Variants in PDZRN4 observed in about 807,000 individuals in gnomAD.
PDZRN4 encodes the protein PDZ domain containing ring finger 4, also known as PDZ domain-containing RING finger protein 4.
Under a neutral mutation model 99.0 loss-of-function variants are expected in PDZRN4, and 70 were observed. That is an observed-to-expected ratio of 0.71 (90% CI 0.58 to 0.86). PDZRN4 has a LOEUF of 0.86. PDZRN4 is among the 40% of genes least tolerant of loss of function. The probability of loss-of-function intolerance (pLI) is 0.00; values close to 1 mark genes in which losing one functional copy is unlikely to be tolerated. For missense variants in PDZRN4, 1,474 were observed against 1,331.2 expected, an observed-to-expected ratio of 1.11 and a Z score of -1.67; for synonymous variants, 551 against 501.6, an observed-to-expected ratio of 1.10 and a Z score of -1.32.
At chr12:41,360,842 C>T (rs1451750231) in intron 3 of PDZRN4, among the ~76,000 whole-genome samples, 1 of 151,876 alleles carries the variant, frequency 6.6e-6, no homozygotes, top group Non-Finnish European at 1.5e-5. Flanking sequence ...AATTATCTGC[C>T]TTCTGTTGCA....
rs886715236 is a variant in PDZRN4 at position 41,188,848 on chromosome 12, G to T, written c.393G>T (p.Gly131=). 8.7e-6 allele frequency: 11 copies of T among 1,262,604 alleles called. No individual in the cohort carries two copies. Among genetic ancestry groups the T allele is most frequent in the Non-Finnish European group, 9.9e-6 (10 of 1,005,094 alleles). 78.2% of individuals were successfully genotyped at this position (1,262,604 alleles called of 1,614,324 possible). Residue 131 remains glycine, a synonymous_variant, in exon 1 of 10, where the codon GGG becomes GGT. Coordinates refer to ENST00000402685, the MANE Select transcript of PDZRN4 (RefSeq NM_001164595.2). The part of the protein sequence containing the change: ...GLGGGEVPAR[G]GCGPTPRAGR... ...GCGGTGGTGAGGTGCCCGCGCGGGG[G>T]GGCTGCGGTCCGACACCCAGGGCTG...
At chr12:41,538,838 A>G (rs1181310957) in intron 5 of PDZRN4, among the ~76,000 whole-genome samples, 1 of 152,076 alleles carries the variant, frequency 6.6e-6, no homozygotes, top group East Asian at 1.9e-4. Context: ...TGCACCAGTC[A>G]CTGGAAGAAT....
chr12:41,211,079 C>T (rs932553559), intron 3 of PDZRN4, among the ~76,000 whole-genome samples: 22 of 152,052 alleles, frequency 1.4e-4, no homozygotes, highest in African/African-American at 4.3e-4. Flanking sequence ...AATCACAAGA[C>T]AGTGTTTCAC....
At chr12:41,425,496 G>T (rs755364939) in intron 3 of PDZRN4, among the ~76,000 whole-genome samples, 5 of 151,984 alleles carry the variant, frequency 3.3e-5, no homozygotes, top group Non-Finnish European at 5.9e-5. Context: ...GCCAGATGGT[G>T]TTCCTGTACA....
At chr12:41,302,109 T>G (rs1308996017) in intron 3 of PDZRN4, among the ~76,000 whole-genome samples, 1 of 152,058 alleles carries the variant, frequency 6.6e-6, no homozygotes. Context: ...ATTATATATG[T>G]GCATATGCAT....
At chr12:41,354,206 T>C (rs957656668) in intron 3 of PDZRN4, among the ~76,000 whole-genome samples, 18 of 152,052 alleles carry the variant, frequency 1.2e-4, no homozygotes, top group African/African-American at 4.3e-4. Flanking sequence ...AGTAATAAGG[T>C]AGGTGTCAGG....
chr12:41,461,508 T>TTG (rs922810339), intron 3 of PDZRN4, among the ~76,000 whole-genome samples: 1 of 152,190 alleles, frequency 6.6e-6, no homozygotes, highest in African/African-American at 2.4e-5. Flanking sequence ...GTTGCTTTCC[T>TTG]AGAGAGAGTA....
Position 41,572,763 on chromosome 12 carries a change from G to T in PDZRN4, c.1984G>T (p.Val662Leu). ...IECNQGEQEG[V>L]EHELQLLNEE... ...ATGCAATCAAGGGGAGCAAGAGGGA[G>T]TGGAGCATGAGCTACAGTTGCTTAA... Residue 662 changes from valine (V) to leucine (L), a missense_variant, in exon 10 of 10, where the codon GTG becomes TTG. Transcript: ENST00000402685. 1 of 1,614,176 alleles carries T rather than the reference G, an allele frequency of 6.2e-7. No individual in the cohort carries two copies. The highest frequency in any genetic ancestry group is 8.5e-7 in the Non-Finnish European group (1 of 1,180,012).
At chr12:41,567,702 G>C (rs1939399880) in intron 8 of PDZRN4, 81 bp from the exon 9 acceptor site, 1 of 728,494 alleles carries the variant, frequency 1.4e-6, no homozygotes, top group Admixed American at 2.6e-5. Flanking sequence ...GAACTCGTCG[G>C]GCACCGGCCA....
At chr12:41,497,980 C>CT (rs142589196) in intron 3 of PDZRN4, among the ~76,000 whole-genome samples, 4 of 151,634 alleles carry the variant, frequency 2.6e-5, no homozygotes, top group African/African-American at 4.8e-5. Flanking sequence ...TATTATGAAA[C>CT]TTTTTTTTCA....
chr12:41,268,381 G>T (rs1200654218), intron 3 of PDZRN4, among the ~76,000 whole-genome samples: 1 of 152,158 alleles, frequency 6.6e-6, no homozygotes, highest in African/African-American at 2.4e-5. Context: ...TTTTACTTGT[G>T]TCTGGATTTA....
chr12:41,390,389 A>T (rs1952201810), intron 3 of PDZRN4, among the ~76,000 whole-genome samples: 1 of 151,858 alleles, frequency 6.6e-6, no homozygotes, highest in East Asian at 1.9e-4. Flanking sequence ...TGGGCTGCTC[A>T]TTTGTCATTG....
intron 3 of PDZRN4, chr12:41,459,809 C>A: frequency 2.2e-6 from 1 of 462,856 alleles, no homozygotes; most frequent in Non-Finnish European, 3.4e-6. Flanking sequence ...TTGAAGACAG[C>A]ATAGCCCTGC....
intron 3 of PDZRN4, among the ~76,000 whole-genome samples, chr12:41,351,335 A>G (rs1565559452): frequency 1.3e-5 from 2 of 152,114 alleles, no homozygotes; most frequent in Non-Finnish European, 2.9e-5. Context: ...TTCTGTAAAG[A>G]GTTTGAAAGT....
At chr12:41,300,409 A>G (rs1297743919) in intron 3 of PDZRN4, among the ~76,000 whole-genome samples, 1 of 152,040 alleles carries the variant, frequency 6.6e-6, no homozygotes, top group African/African-American at 2.4e-5. Flanking sequence ...ATTAAATAAC[A>G]GAACTAAAAT....
At chr12:41,446,909 T>C (rs1952734018) in intron 3 of PDZRN4, among the ~76,000 whole-genome samples, 1 of 151,090 alleles carries the variant, frequency 6.6e-6, no homozygotes, top group Non-Finnish European at 1.5e-5. Context: ...TCAAAGGTAA[T>C]GTGTTTGATG....
intron 3 of PDZRN4, among the ~76,000 whole-genome samples, chr12:41,405,922 G>T (rs1352662843): frequency 6.8e-6 from 1 of 147,410 alleles, no homozygotes; most frequent in Non-Finnish European, 1.5e-5. Context: ...ATAAATGTTG[G>T]AACAATAGAC....
intron 3 of PDZRN4, among the ~76,000 whole-genome samples, chr12:41,252,933 T>G (rs1245816236): frequency 2.0e-5 from 3 of 152,182 alleles, no homozygotes; most frequent in African/African-American, 7.2e-5. Context: ...AATGGGTATA[T>G]TTTATTGTAT....
intron 3 of PDZRN4, among the ~76,000 whole-genome samples, chr12:41,499,096 T>C (rs1938064882): frequency 6.6e-6 from 1 of 152,072 alleles, no homozygotes; most frequent in Non-Finnish European, 1.5e-5. Flanking sequence ...TCTTACTACC[T>C]GTAGACCTGG....
Sources: allele counts gnomAD v4.1 joint callset (sites outside exome capture counted in the v4.1 genomes callset), GRCh38; gene constraint gnomAD v4.1.1; transcripts MANE v1.5; gene names NCBI Gene and HGNC (gene_info 2026-07-23, HGNC 2026-07-21).